The following ADARB1 variants were observed in gnomAD, a reference collection of about 807,000 sequenced individuals.
ADARB1 encodes double-stranded RNA-specific editase 1.
A neutral mutation model predicts 52.4 loss-of-function variants in ADARB1; 10 were observed. The observed-to-expected ratio is 0.19, with a 90% confidence interval of 0.12 to 0.32. The LOEUF is 0.32. ADARB1 is among the 10% of genes least tolerant of loss of function. The pLI, the probability that ADARB1 is intolerant of heterozygous loss-of-function variation, is 1.00. For missense variants in ADARB1, 643 were observed against 922.3 expected (o/e 0.70, Z 3.92); for synonymous variants, 349 against 371.1 (o/e 0.94, Z 0.68).
chr21:45,117,325 A>G (rs1034578986), intron 1 of ADARB1, among the ~76,000 whole-genome samples: 1 of 152,178 alleles, frequency 6.6e-6, no homozygotes, highest in East Asian at 1.9e-4. Context: ...TAGGCTTACA[A>G]AATGTTGTGT....
chr21:45,103,284 T>A (rs1363553438), intron 1 of ADARB1, among the ~76,000 whole-genome samples: 4 of 152,078 alleles, frequency 2.6e-5, no homozygotes, highest in Admixed American at 6.5e-5. Context: ...CAGGGACTGG[T>A]GACAATTTTT....
At chr21:45,133,848 C>CGG (rs1222207103) in intron 2 of ADARB1, among the ~76,000 whole-genome samples, 1 of 108,556 alleles carries the variant, frequency 9.2e-6, no homozygotes, top group Non-Finnish European at 1.9e-5. Flanking sequence ...GTGCGCCCGC[C>CGG]GGGTGTGCGC....
chr21:45,224,649 G>C lies in ADARB1; in HGVS notation c.*2452G>C, dbSNP rs1393403649. ...GGAGCCCTGGGCGGGGTGGCTGTCA[G>C]GGGGAACTGGGTTCCGGGAGCCCTG... On this transcript the variant is annotated 3_prime_UTR_variant, in exon 11 of 11. Transcript: ENST00000348831. 1 of 941,300 alleles carries C rather than the reference G, an allele frequency of 1.1e-6. No individual in the cohort carries two copies. The highest frequency in any genetic ancestry group is 1.2e-6 in the Non-Finnish European group (1 of 801,328). 58.3% of individuals were successfully genotyped at this position (941,300 alleles called of 1,614,324 possible). A position where few individuals can be genotyped will look rare whatever the true frequency, so the allele number is the denominator to read the frequency against.
chr21:45,102,786 C>T (rs923094501), intron 1 of ADARB1, among the ~76,000 whole-genome samples: 5 of 152,168 alleles, frequency 3.3e-5, no homozygotes, highest in African/African-American at 1.2e-4. Flanking sequence ...AGCACAATTC[C>T]AGATCATCTC....
At chr21:45,078,534 G>A (rs1465511117) in intron 1 of ADARB1, among the ~76,000 whole-genome samples, 1 of 152,196 alleles carries the variant, frequency 6.6e-6, no homozygotes, top group Admixed American at 6.5e-5. Flanking sequence ...GCTGGGCTGA[G>A]GTCACGGCAG....
intron 1 of ADARB1, among the ~76,000 whole-genome samples, chr21:45,105,714 T>G (rs912412996): frequency 6.6e-6 from 1 of 152,278 alleles, no homozygotes; most frequent in African/African-American, 2.4e-5. Context: ...ATGAGTGTAT[T>G]TCTCAGTATG....
At chr21:45,173,090 C>T (rs1277361279) in intron 3 of ADARB1, among the ~76,000 whole-genome samples, 4 of 152,220 alleles carry the variant, frequency 2.6e-5, no homozygotes, top group Non-Finnish European at 4.4e-5. Flanking sequence ...CTGCAGTCAC[C>T]TCGCATAGAC....
chr21:45,213,796 A>G (rs1318449351), intron 9 of ADARB1, among the ~76,000 whole-genome samples: 3 of 152,232 alleles, frequency 2.0e-5, no homozygotes, highest in Admixed American at 1.3e-4. Flanking sequence ...TTCCCTTGAA[A>G]TATTGATGGA....
intron 8 of ADARB1, among the ~76,000 whole-genome samples, chr21:45,189,961 T>G (rs1356950896): frequency 1.3e-5 from 2 of 152,166 alleles, no homozygotes. Context: ...TTCTTTGAGC[T>G]TGAACTTGTA....
rs2089751951 is a variant in ADARB1, at chr21:45,142,030, CT to C, written c.-48+13458del. ...CTGTTTGTGGGTCACTTAGCCACCC[CT>C]GGGCCACTGTAGCCACCTCTGGGTG... On this transcript the variant is annotated intron_variant, in intron 2 of 10. Transcript: ENST00000348831. This position sits in a 1 kb window ranked among gnomAD's most constrained non-coding sequence, Gnocchi z 4.0. Among the ~76,000 whole-genome samples, 1 of 152,228 alleles carries C rather than the reference CT, an allele frequency of 6.6e-6. No individual in the cohort carries two copies. The highest frequency in any genetic ancestry group is 1.5e-5 in the Non-Finnish European group (1 of 68,010).
At chr21:45,197,456 C>G (rs906485180) in intron 8 of ADARB1, among the ~76,000 whole-genome samples, 7 of 150,876 alleles carry the variant, frequency 4.6e-5, no homozygotes, top group Non-Finnish European at 8.8e-5. Context: ...GCTGAGATCA[C>G]GCCACTGCGC....
Position 45,204,733 on chromosome 21 carries a change from A to G in ADARB1, c.1744A>G (p.Ser582Gly). 3 of 1,613,812 alleles carry G rather than the reference A, an allele frequency of 1.9e-6. No individual in the cohort carries two copies. Among genetic ancestry groups the G allele is most frequent in the Non-Finnish European group, 2.5e-6 (3 of 1,179,828 alleles). Residue 582 changes from serine (S) to glycine (G), a missense_variant, in exon 9 of 11, where the codon AGT (serine) becomes GGT (glycine). Physicochemically the swap from Ser to Gly is moderately conservative, Grantham distance 56. Coordinates refer to ENST00000348831, the MANE Select transcript of ADARB1 (RefSeq NM_001112.4). The surrounding 1 kb of genome is among the most constrained non-coding windows in gnomAD (Gnocchi z 4.4). ...PLYTLNKPLL[S>G]GISNAEARQP... ...CTACACCCTCAACAAGCCTTTGCTCAGTGGCAAGTATCTCTAGAGTGTGCT... is the reference window on the plus strand; with the variant it reads ...CTACACCCTCAACAAGCCTTTGCTCGGTGGCAAGTATCTCTAGAGTGTGCT...
intron 2 of ADARB1, among the ~76,000 whole-genome samples, chr21:45,168,417 C>T (rs1221743213): frequency 6.6e-6 from 1 of 152,150 alleles, no homozygotes; most frequent in African/African-American, 2.4e-5. Flanking sequence ...AGGATTTTCT[C>T]CTGTAACTTT....
At chr21:45,201,570 C>T (rs575223282) in intron 8 of ADARB1, among the ~76,000 whole-genome samples, 1 of 152,242 alleles carries the variant, frequency 6.6e-6, no homozygotes, top group South Asian at 2.1e-4. Flanking sequence ...TTTTCATTTC[C>T]ATTTTGGAAG....
At chr21:45,156,478 A>ATCATCTG (rs2090646651) in intron 2 of ADARB1, among the ~76,000 whole-genome samples, 1 of 100,160 alleles carries the variant, frequency 1.0e-5, no homozygotes. Context: ...CCCATCATCC[A>ATCATCTG]TCATCCATTC....
At chr21:45,203,928 T>A (rs1421878455) in intron 8 of ADARB1, among the ~76,000 whole-genome samples, 1 of 152,198 alleles carries the variant, frequency 6.6e-6, no homozygotes, top group Admixed American at 6.5e-5. Flanking sequence ...ATATAAAGTT[T>A]AATTTATGAT....
intron 2 of ADARB1, among the ~76,000 whole-genome samples, chr21:45,166,942 A>G (rs2091276208): frequency 6.6e-6 from 1 of 152,124 alleles, no homozygotes; most frequent in Non-Finnish European, 1.5e-5. Context: ...ATAGGGTTTT[A>G]ATTCTTATTT....
intron 9 of ADARB1, among the ~76,000 whole-genome samples, chr21:45,214,865 T>G (rs1211105572): frequency 6.6e-6 from 1 of 152,240 alleles, no homozygotes. Context: ...AGGTCCTTTT[T>G]GTATTTCCAT....
chr21:45,168,329 C>T (rs890911701), intron 2 of ADARB1, among the ~76,000 whole-genome samples: 1 of 152,044 alleles, frequency 6.6e-6, no homozygotes, highest in Non-Finnish European at 1.5e-5. Context: ...TTTTAACTTC[C>T]AGTTTATCAG....
Sources: allele counts gnomAD v4.1 joint callset (sites outside exome capture counted in the v4.1 genomes callset), GRCh38; gene constraint gnomAD v4.1.1; non-coding constraint Gnocchi (gnomAD v3.1); transcripts MANE v1.5; gene names NCBI Gene and HGNC (gene_info 2026-07-23, HGNC 2026-07-21).